Variants in CFAP52 observed in about 807,000 individuals in gnomAD.
CFAP52 encodes the protein cilia- and flagella-associated protein 52.
A neutral mutation model predicts 70.5 loss-of-function variants in CFAP52; 57 were observed. That is an observed-to-expected ratio of 0.81 (90% confidence interval 0.65 to 1.01). The LOEUF is 1.01. Ranked by LOEUF, CFAP52 falls within the 50% of genes least tolerant of loss-of-function variation. The probability of loss-of-function intolerance (pLI) is 0.00; values close to 1 mark genes in which losing one functional copy is unlikely to be tolerated. For synonymous variants in CFAP52, 267 were observed against 292.5 expected (o/e 0.91, Z 0.89); for missense variants, 785 against 788.5 (o/e 1.00, Z 0.05).
intron 8 of CFAP52, among the ~76,000 whole-genome samples, chr17:9,614,455 C>G (rs1909833559): frequency 6.6e-6 from 1 of 152,170 alleles, no homozygotes; most frequent in Non-Finnish European, 1.5e-5. Context: ...CACGCCTGGC[C>G]TCTCAAAATA....
chr17:9,600,160 C>T lies in CFAP52; in HGVS notation c.730C>T (p.Pro244Ser). The change falls in exon 6 of 14, where the codon CCT (proline) becomes TCT (serine). Residue 244 changes from proline to serine, a missense_variant. By Grantham distance (74) the Pro-to-Ser change is moderately conservative. Transcript: ENST00000352665. Reference sequence around the variant, plus strand: ...GACTAAACTGCTGACAGATGTTGGGCCTGCGAAGGACAAATTCAGTTTGGT... The same window carrying T: ...GACTAAACTGCTGACAGATGTTGGGTCTGCGAAGGACAAATTCAGTTTGGT... ...PRTKLLTDVG[P>S]AKDKFSLGVS... The T allele has an allele frequency of 6.2e-7, 1 of 1,613,974 alleles. No individual in the cohort carries two copies. The highest frequency in any genetic ancestry group is 1.7e-5 in the Admixed American group (1 of 60,002).
At chr17:9,591,141 G>A (rs976529710) in intron 3 of CFAP52, among the ~76,000 whole-genome samples, 1 of 142,892 alleles carries the variant, frequency 7.0e-6, no homozygotes. Context: ...AGGTTCAAGC[G>A]ATTCTCCTGC....
intron 4 of CFAP52, 46 bp from the exon 5 acceptor site, chr17:9,598,188 T>C: frequency 1.4e-6 from 2 of 1,431,320 alleles, no homozygotes; most frequent in African/African-American, 2.9e-5. Flanking sequence ...GATTATTAAA[T>C]GGGTGTCCAT....
At chr17:9,584,587 CTT>C (rs1908367091) in intron 1 of CFAP52, among the ~76,000 whole-genome samples, 1 of 56,648 alleles carries the variant, frequency 1.8e-5, no homozygotes, top group South Asian at 5.9e-4. Flanking sequence ...AAGATCAACT[CTT>C]TTAGCAGATT....
intron 9 of CFAP52, among the ~76,000 whole-genome samples, chr17:9,630,502 T>C (rs1910428439): frequency 6.8e-6 from 1 of 147,134 alleles, no homozygotes; most frequent in African/African-American, 2.5e-5. Context: ...CGATCTCGGC[T>C]CACTGCAAGC....
intron 13 of CFAP52, 119 bp from the exon 14 acceptor site, chr17:9,642,904 G>C: frequency 3.7e-6 from 3 of 818,782 alleles, no homozygotes; most frequent in Non-Finnish European, 3.5e-6. Flanking sequence ...TCAAGTAAAA[G>C]TGTTATTATA....
At chr17:9,633,695 C>T (rs1378088705) in intron 10 of CFAP52, among the ~76,000 whole-genome samples, 25 of 142,640 alleles carry the variant, frequency 1.8e-4, no homozygotes, top group Admixed American at 3.5e-4. Context: ...TTTTTTTAGA[C>T]GGACAGAGTC....
At position 9,594,197 on chromosome 17, in the gene CFAP52, G is replaced by C. The variant is rs1346125133; in HGVS notation, c.412G>C (p.Val138Leu). The part of the protein sequence containing the change: ...SLGGPDDGSV[V>L]VWSIAKRDAI... ...TGGTCCCTCTTATTTTGGCAGTGTG[G>C]TGGTGTGGAGCATAGCCAAGAGAGA... Residue 138 changes from valine to leucine, a missense_variant, in exon 4 of 14, where the codon GTG becomes CTG. Transcript: ENST00000352665. The C allele has an allele frequency of 6.2e-7, 1 of 1,600,474 alleles. No individual in the cohort carries two copies. Among genetic ancestry groups the C allele is most frequent in the East Asian group, 2.2e-5 (1 of 44,458 alleles).
At chr17:9,602,896 T>A (rs1909335914) in intron 6 of CFAP52, among the ~76,000 whole-genome samples, 1 of 152,222 alleles carries the variant, frequency 6.6e-6, no homozygotes, top group Non-Finnish European at 1.5e-5. Flanking sequence ...ATATGTTTGT[T>A]GGCCGCATAA....
chr17:9,594,640 G>C (rs1474505665), intron 4 of CFAP52, among the ~76,000 whole-genome samples: 1 of 152,158 alleles, frequency 6.6e-6, no homozygotes, highest in African/African-American at 2.4e-5. Flanking sequence ...TTCACCTACT[G>C]ACTGATGTTT....
chr17:9,616,115 A>G (rs947550008), intron 8 of CFAP52, among the ~76,000 whole-genome samples: 1 of 151,000 alleles, frequency 6.6e-6, no homozygotes, highest in African/African-American at 2.4e-5. Flanking sequence ...GGAGTGCCAG[A>G]CAGTGGGCGC....
intron 6 of CFAP52, among the ~76,000 whole-genome samples, chr17:9,601,902 C>T (rs536648525): frequency 1.3e-5 from 2 of 152,268 alleles, no homozygotes; most frequent in South Asian, 2.1e-4. Flanking sequence ...TACTTTTCCA[C>T]ATAGCAGATA....
At chr17:9,609,817 A>G (rs1370840025) in intron 7 of CFAP52, among the ~76,000 whole-genome samples, 1 of 151,984 alleles carries the variant, frequency 6.6e-6, no homozygotes, top group African/African-American at 2.4e-5. Context: ...GTATGAAGGG[A>G]AATGAGGGAG....
chr17:9,641,753 A>T lies in CFAP52; in HGVS notation c.1605A>T (p.Thr535=). The change falls in exon 13 of 14, where the codon ACA becomes ACT. Residue 535 remains threonine, a synonymous_variant. Coordinates refer to ENST00000352665, the MANE Select transcript of CFAP52 (RefSeq NM_145054.5). ...KIAYWEVFDG[T]VIRELEGSLS... The stretch of plus-strand genomic sequence containing the variant: ...CTTACTGGGAAGTATTTGATGGGAC[A>T]GTAATCAGAGAATTGGAAGGTTCCC... The T allele has an allele frequency of 6.2e-7, 1 of 1,613,884 alleles. No homozygotes were observed. Among genetic ancestry groups the T allele is most frequent in the Non-Finnish European group, 8.5e-7 (1 of 1,179,814 alleles).
chr17:9,643,166 A>G lies in CFAP52; in HGVS notation c.1831A>G (p.Ile611Val). Residue 611 changes from isoleucine to valine, a missense_variant, in exon 14 of 14, where the codon ATT becomes GTT. Transcript: ENST00000352665. Reference protein sequence around the residue: ...YIVSVSADGAILRWKYPYTS With the variant: ...YIVSVSADGAVLRWKYPYTS ...TGTTAGTGTAAGTGCCGATGGAGCC[A>G]TTTTGCGATGGAAGTACCCATATAC... is the stretch of plus-strand genomic sequence containing the variant. 6.2e-7 allele frequency: 1 copy of G among 1,612,492 alleles called. No homozygotes were observed. Among genetic ancestry groups the G allele is most frequent in the Non-Finnish European group, 8.5e-7 (1 of 1,179,346 alleles).
At chr17:9,610,453 T>C (rs1909668953) in intron 7 of CFAP52, 1 of 152,122 alleles carries the variant, frequency 6.6e-6, no homozygotes, top group African/African-American at 2.4e-5. Flanking sequence ...GCTGCTCACA[T>C]GAGAAGTCAT....
chr17:9,594,239 C>T lies in CFAP52; in HGVS notation c.454C>T (p.Pro152Ser), dbSNP rs1833346203. The change falls in exon 4 of 14, where the codon CCT (proline) becomes TCT (serine). Residue 152 changes from proline to serine, a missense_variant. Transcript: ENST00000352665. ...IAKRDAICGS[P>S]AAGLNVGNAT... ...CAAGAGAGATGCCATCTGTGGCAGC[C>T]CTGCAGCCGGCCTCAATGTTGGCAA... The T allele has an allele frequency of 1.2e-6, 2 of 1,613,660 alleles. No homozygotes were observed. The highest frequency in any genetic ancestry group is 1.1e-5 in the South Asian group (1 of 91,060).
intron 9 of CFAP52, among the ~76,000 whole-genome samples, chr17:9,630,616 G>C (rs1419322059): frequency 8.0e-5 from 12 of 150,262 alleles, no homozygotes; most frequent in Non-Finnish European, 1.5e-5. Flanking sequence ...ATGTTTAGTA[G>C]AGACGGGGTT....
In CFAP52 at chr17:9,641,934, G is replaced by C. The variant is rs73975769; in HGVS notation, c.1687+99G>C. The C allele has an allele frequency of 6.2e-4, 608 of 983,792 alleles. 3 individuals carry two copies. In the African/African-American group the frequency reaches 8.1e-3, roughly 13 times the overall value. The allele number at this position is 983,792 out of a possible 1,614,324, so 60.9% of individuals were successfully genotyped here. The stretch of plus-strand genomic sequence containing the variant: ...GGCAATTGGAAAAGACAACAAAAGG[G>C]TCTCAAGGCAACTTGGTTAGAATCA... On this transcript the variant is annotated intron_variant, in intron 13 of 13. Coordinates refer to ENST00000352665, the MANE Select transcript of CFAP52 (RefSeq NM_145054.5).
Sources: gnomAD v4.1 joint callset for allele counts (sites outside exome capture counted in the v4.1 genomes callset) on GRCh38, gnomAD v4.1.1 for gene constraint, MANE v1.5 for transcripts, NCBI Gene and HGNC (gene_info 2026-07-23, HGNC 2026-07-21) for gene names.